The following PYROXD2 variants were observed in gnomAD, a reference collection of about 807,000 sequenced individuals.
PYROXD2 encodes pyridine nucleotide-disulfide oxidoreductase domain-containing protein 2.
A neutral mutation model predicts 71.1 loss-of-function variants in PYROXD2; 69 were observed. The observed-to-expected ratio is 0.97, with a 90% CI of 0.80 to 1.19. PYROXD2 has a LOEUF of 1.19. Among genes scored for constraint, PYROXD2 ranks in the 50% most tolerant of loss-of-function variants. The pLI is 0.00. For missense variants in PYROXD2, 745 were observed against 748.9 expected (o/e 0.99, Z 0.06); for synonymous variants, 287 against 302.7 (o/e 0.95, Z 0.54).
In PYROXD2 at chr10:98,390,839, C is replaced by A. The variant is rs139577694; in HGVS notation, c.1136-85G>T. 6 of 1,498,574 alleles carry A rather than the reference C, an allele frequency of 4.0e-6. No individual in the cohort carries two copies. The African/African-American group carries it at 6.9e-5, about 17-fold the overall frequency. 92.8% of individuals were successfully genotyped at this position (1,498,574 alleles called of 1,614,324 possible). On this transcript the variant is annotated intron_variant, in intron 11 of 15. Transcript: ENST00000370575. ...GCACCCTGCTACCCTCAGTGGCGGA[C>A]GGGAGTAGGAAAGTATGAGCAAGTG...
chr10:98,393,362 T>G (rs1053094357), intron 8 of PYROXD2, among the ~76,000 whole-genome samples: 3 of 152,202 alleles, frequency 2.0e-5, no homozygotes, highest in Non-Finnish European at 4.4e-5. Flanking sequence ...CCAGCTCCGG[T>G]GTCCAGCTAC....
Position 98,395,013 on chromosome 10 carries a change from G to A in PYROXD2, c.785+183C>T, listed in dbSNP as rs12263351. ...GGCAAGACACTCCCTTCTCTGAACC[G>A]CAGTTCTCAGATGTTGCTCTGAGGG... On this transcript the variant is annotated intron_variant, in intron 8 of 15. Coordinates refer to ENST00000370575, the MANE Select transcript of PYROXD2 (RefSeq NM_032709.3). Among the ~76,000 whole-genome samples the A allele has an allele frequency of 9.1e-3, 1,391 of 152,142 alleles. 18 individuals carry two copies. The highest frequency in any genetic ancestry group is 0.032 in the African/African-American group (1,307 of 41,482).
intron 14 of PYROXD2, among the ~76,000 whole-genome samples, chr10:98,386,314 C>CAAGGAAGGGAGGGAGGAAGG (rs1842748773): frequency 1.1e-5 from 1 of 87,042 alleles, no homozygotes; most frequent in Non-Finnish European, 2.1e-5. Context: ...AGGGAGGAAA[C>CAAGGAAGGGAGGGAGGAAGG]AAGGAAGGGA....
intron 14 of PYROXD2, among the ~76,000 whole-genome samples, 177 bp from the exon 15 acceptor site, chr10:98,385,244 G>T (rs1842713759): frequency 6.6e-6 from 1 of 152,258 alleles, no homozygotes; most frequent in South Asian, 2.1e-4. Flanking sequence ...ATGCCCTGGG[G>T]CTGGGAGTGA....
intron 2 of PYROXD2, 138 bp downstream of exon 2, chr10:98,410,801 G>T: frequency 7.7e-7 from 1 of 1,304,136 alleles, no homozygotes; most frequent in Non-Finnish European, 1.1e-6. Flanking sequence ...GCACTGGAGA[G>T]CAGAGAGCAT....
intron 4 of PYROXD2, among the ~76,000 whole-genome samples, chr10:98,406,115 C>A (rs1309866698): frequency 6.6e-6 from 1 of 152,216 alleles, no homozygotes; most frequent in East Asian, 1.9e-4. Flanking sequence ...CTGCGTATCA[C>A]ACAACAGGAC....
intron 6 of PYROXD2, among the ~76,000 whole-genome samples, chr10:98,396,942 C>A (rs969430750): frequency 6.6e-6 from 1 of 152,162 alleles, no homozygotes; most frequent in African/African-American, 2.4e-5. Flanking sequence ...TTCCATCTCC[C>A]GAGAAGGTTC....
In PYROXD2 at chr10:98,383,644, A is replaced by C; in HGVS notation, c.*154T>G. On this transcript the variant is annotated 3_prime_UTR_variant, in exon 16 of 16. Coordinates refer to ENST00000370575, the MANE Select transcript of PYROXD2 (RefSeq NM_032709.3). Reference sequence around the variant, plus strand: ...CATGGGCATAAGGTCAACTTGCACTAAATGTAACTCGTACGTTTTTTCTAA... The same window carrying C: ...CATGGGCATAAGGTCAACTTGCACTCAATGTAACTCGTACGTTTTTTCTAA... The C allele has an allele frequency of 1.4e-6, 1 of 708,622 alleles. No homozygotes were observed. Among genetic ancestry groups the C allele is most frequent in the Middle Eastern group, 2.5e-4 (1 of 3,954 alleles). The allele number at this position is 708,622 out of a possible 1,614,324, so 43.9% of individuals were successfully genotyped here.
In PYROXD2 at chr10:98,395,283, T is replaced by C. The variant is rs1035954011; in HGVS notation, c.698A>G (p.Gln233Arg). The C allele has an allele frequency of 7.4e-6, 12 of 1,614,174 alleles. No individual in the cohort carries two copies. The highest frequency in any genetic ancestry group is 1.0e-5 in the Non-Finnish European group (12 of 1,180,030). The change falls in exon 8 of 16, where the codon CAG becomes CGG. Residue 233 changes from glutamine to arginine, a missense_variant. Coordinates refer to ENST00000370575, the MANE Select transcript of PYROXD2 (RefSeq NM_032709.3). ...TTTTAAAGGCTCAGACTCGAACCACTGATCCAGCACCTGGACAGCACAACA... is the reference window on the plus strand; with the variant it reads ...TTTTAAAGGCTCAGACTCGAACCACCGATCCAGCACCTGGACAGCACAACA... ...LTAPITKVLD[Q>R]WFESEPLKAT...
At chr10:98,392,736 ACACT>A (rs1269898608) in intron 9 of PYROXD2, among the ~76,000 whole-genome samples, 170 bp from the exon 10 acceptor site, 1 of 152,204 alleles carries the variant, frequency 6.6e-6, no homozygotes, top group Non-Finnish European at 1.5e-5. Flanking sequence ...TCTCCATGAA[ACACT>A]CAGTCTCAGT....
intron 8 of PYROXD2, among the ~76,000 whole-genome samples, chr10:98,394,181 C>T (rs7073808): frequency 0.059 from 8,926 of 152,264 alleles, 819 homozygotes; most frequent in African/African-American, 0.2. Flanking sequence ...CTAGCACAGG[C>T]AAGCGCTCAT....
chr10:98,388,386 T>C lies in PYROXD2; in HGVS notation c.1415A>G (p.Asp472Gly). The change falls in exon 13 of 16, where the codon GAC becomes GGC. Residue 472 changes from aspartate to glycine, a missense_variant. Physicochemically the swap from Asp to Gly is moderately conservative, Grantham distance 94. Coordinates refer to ENST00000370575, the MANE Select transcript of PYROXD2 (RefSeq NM_032709.3). ...TGCATAAGCGTCTCTCTCCTGCTCG[T>C]CCCAGGCCTTGCCTCCAGCCAGCGT... ...PYTLAGGKAWDEQERDAYADR... is the reference protein window; with the variant it reads ...PYTLAGGKAWGEQERDAYADR... The C allele has an allele frequency of 6.2e-7, 1 of 1,613,754 alleles. No homozygotes were observed. Among genetic ancestry groups the C allele is most frequent in the Non-Finnish European group, 8.5e-7 (1 of 1,179,940 alleles).
rs765947307 is a variant in PYROXD2 at position 98,390,788 on chromosome 10, C to A, written c.1136-34G>T. 23 of 1,543,118 alleles carry A rather than the reference C, an allele frequency of 1.5e-5. No homozygotes were observed. The South Asian group carries it at 2.7e-4, about 18-fold the overall frequency. ...CCAAAGAGGAGGGTCAGGTCTTAGC[C>A]CCACAAGGTCCTCCCTCTACAGCCA... On this transcript the variant is annotated intron_variant, in intron 11 of 15. Transcript: ENST00000370575.
Position 98,407,707 on chromosome 10 carries a change from CCGT to C in PYROXD2, c.242-55_242-53del, listed in dbSNP as rs778544508. 6 of 1,591,590 alleles carry C rather than the reference CCGT, an allele frequency of 3.8e-6. No individual in the cohort carries two copies. In the African/African-American group the frequency reaches 4.2e-5, roughly 11 times the overall value. On this transcript the variant is annotated intron_variant, in intron 3 of 15. Coordinates refer to ENST00000370575, the MANE Select transcript of PYROXD2 (RefSeq NM_032709.3). ...CACCAGGGGTCACCAGGGATGAGGA[CCGT>C]CACCAGGGGTCAGCAGGGATGGAGA...
In PYROXD2 at chr10:98,400,265, AC is replaced by A. The variant is rs763075066; in HGVS notation, c.316-9del. The A allele has an allele frequency of 6.2e-7, 1 of 1,604,100 alleles. No homozygotes were observed. ...AAGCCTCAGCCCATGTTTCTGCAAA[AC>A]ACAAATAGCATGGGCCACATATTAA... is the stretch of plus-strand genomic sequence containing the variant. On this transcript the variant is annotated splice_polypyrimidine_tract_variant and intron_variant, in intron 4 of 15. Transcript: ENST00000370575.
intron 4 of PYROXD2, among the ~76,000 whole-genome samples, chr10:98,400,573 C>T (rs747446218): frequency 4.0e-5 from 6 of 151,840 alleles, no homozygotes; most frequent in Non-Finnish European, 7.4e-5. Flanking sequence ...CATCACACCA[C>T]ACACACCATG....
intron 12 of PYROXD2, among the ~76,000 whole-genome samples, chr10:98,390,393 CG>C (rs1842907049): frequency 6.6e-6 from 1 of 152,140 alleles, no homozygotes; most frequent in Non-Finnish European, 1.5e-5. Flanking sequence ...TAACCTGAGC[CG>C]CTCTTCACCC....
intron 1 of PYROXD2, 104 bp downstream of exon 1, chr10:98,414,900 CAGAGG>C (rs1295778725): frequency 1.4e-5 from 21 of 1,476,936 alleles, no homozygotes; most frequent in Non-Finnish European, 1.9e-5. Context: ...TGGGTTATGC[CAGAGG>C]AGAGAGCAGT....
chr10:98,386,542 T>C (rs1842760330), intron 14 of PYROXD2, among the ~76,000 whole-genome samples: 1 of 116,766 alleles, frequency 8.6e-6, no homozygotes, highest in African/African-American at 3.8e-5. Context: ...AGATCTTTCT[T>C]TTGCTTTTTT....
Sources: allele counts gnomAD v4.1 joint callset (sites outside exome capture counted in the v4.1 genomes callset), GRCh38; gene constraint gnomAD v4.1.1; transcripts MANE v1.5; gene names NCBI Gene and HGNC (gene_info 2026-07-23, HGNC 2026-07-21).